SPDYE10: variants seen among roughly 807,000 people sequenced by gnomAD.
SPDYE10 encodes the protein speedy protein E10.
the SPDYE10 span, among the ~76,000 whole-genome samples, chr7:73,135,861 C>T: frequency 7.6e-5 from 9 of 118,022 alleles, no homozygotes; most frequent in Non-Finnish European, 1.4e-4. Flanking sequence ...GAGCCACCAC[C>T]GCACCCGGTC....
the SPDYE10 span, among the ~76,000 whole-genome samples, chr7:73,137,643 GAGAA>G: frequency 2.3e-4 from 20 of 85,238 alleles, no homozygotes; most frequent in Non-Finnish European, 4.8e-4. Flanking sequence ...AGAAAGAAAG[GAGAA>G]AGAAAGAAAA....
At chr7:73,127,639 A>G in the SPDYE10 span, among the ~76,000 whole-genome samples, 1 of 45,852 alleles carries the variant, frequency 2.2e-5, no homozygotes, top group Non-Finnish European at 4.8e-5. Flanking sequence ...GAAGACAATT[A>G]AAAAAAAAAA....
chr7:73,139,744 T>TGC, the SPDYE10 span, among the ~76,000 whole-genome samples: 3 of 133,342 alleles, frequency 2.2e-5, no homozygotes, highest in East Asian at 7.5e-4. Flanking sequence ...GCAAGCTCCA[T>TGC]CTCCTGGGTT....
the SPDYE10 span, among the ~76,000 whole-genome samples, chr7:73,144,885 G>C: frequency 1.1e-5 from 1 of 90,014 alleles, no homozygotes; most frequent in Non-Finnish European, 2.0e-5. Context: ...GCATTGTGGT[G>C]TGCACCTGTA....
At chr7:73,113,834 G>C in the SPDYE10 span, among the ~76,000 whole-genome samples, 55 of 152,054 alleles carry the variant, frequency 3.6e-4, no homozygotes, top group African/African-American at 1.3e-3. Flanking sequence ...AGGAGATCGA[G>C]ACCATCCTGG....
chr7:73,139,564 GTCCA>G, the SPDYE10 span, among the ~76,000 whole-genome samples: 1 of 145,966 alleles, frequency 6.9e-6, no homozygotes, highest in Non-Finnish European at 1.5e-5. Context: ...CTCATGATCT[GTCCA>G]CCTCAGCCTC....
the SPDYE10 span, among the ~76,000 whole-genome samples, chr7:73,128,063 A>C: frequency 1.3e-5 from 2 of 151,730 alleles, no homozygotes; most frequent in South Asian, 2.1e-4. Context: ...GAAACAAAGT[A>C]AATGTTCACC....
At chr7:73,113,865 A>T in the SPDYE10 span, among the ~76,000 whole-genome samples, 2 of 152,090 alleles carry the variant, frequency 1.3e-5, no homozygotes, top group East Asian at 3.9e-4. Flanking sequence ...ATCTCTGCTA[A>T]AAATACAAAA....
the SPDYE10 span, among the ~76,000 whole-genome samples, chr7:73,127,082 C>CTTT: frequency 7.5e-5 from 1 of 13,358 alleles, no homozygotes; most frequent in Non-Finnish European, 1.3e-4. Flanking sequence ...CCACGCCTGG[C>CTTT]TTTTTTTTTT....
At chr7:73,142,702 T>A in the SPDYE10 span, among the ~76,000 whole-genome samples, 22 of 136,082 alleles carry the variant, frequency 1.6e-4, no homozygotes, top group African/African-American at 6.1e-4. Context: ...TTTGGGAAGC[T>A]GAGGTGGGTG....
At chr7:73,136,260 G>GT in the SPDYE10 span, among the ~76,000 whole-genome samples, 10 of 3,392 alleles carry the variant, frequency 2.9e-3, no homozygotes, top group Middle Eastern at 0.02. Flanking sequence ...TTGTTGTATT[G>GT]GTTTTTTTTT....
the SPDYE10 span, among the ~76,000 whole-genome samples, chr7:73,128,002 C>T: frequency 6.7e-5 from 9 of 134,950 alleles, no homozygotes; most frequent in East Asian, 2.1e-4. Context: ...CTATAGAATA[C>T]ATTTACAGGA....
the SPDYE10 span, among the ~76,000 whole-genome samples, chr7:73,135,441 T>TTCATTCAC: frequency 7.0e-6 from 1 of 143,572 alleles, no homozygotes; most frequent in Non-Finnish European, 1.5e-5. Flanking sequence ...CATTCATTCA[T>TTCATTCAC]TCAACAGATA....
At chr7:73,152,446 C>T in the SPDYE10 span, among the ~76,000 whole-genome samples, 2 of 100,830 alleles carry the variant, frequency 2.0e-5, no homozygotes, top group African/African-American at 8.9e-5. Flanking sequence ...TGCAGTGGCG[C>T]GATCTCAGCT....
the SPDYE10 span, among the ~76,000 whole-genome samples, chr7:73,113,408 GCACCTGTGTTCCAACAA>G: frequency 1.1e-5 from 1 of 91,352 alleles, no homozygotes; most frequent in Non-Finnish European, 2.1e-5. Context: ...GTCGTGGCTG[GCACCTGTGTTCCAACAA>G]CTTGAGAGAC....
chr7:73,123,261 T>C, the SPDYE10 span, among the ~76,000 whole-genome samples: 2 of 152,126 alleles, frequency 1.3e-5, no homozygotes, highest in Non-Finnish European at 2.9e-5. Context: ...AGCAAATGCA[T>C]GAAGGCCCCT....
the SPDYE10 span, chr7:73,154,967 G>GGCGCCGC: frequency 2.7e-5 from 4 of 150,202 alleles, no homozygotes; most frequent in Non-Finnish European, 5.9e-5. Flanking sequence ...CCCCGCGCCG[G>GGCGCCGC]GCGCCGCGCG....
the SPDYE10 span, among the ~76,000 whole-genome samples, chr7:73,142,982 G>GGAAT: frequency 3.3e-4 from 13 of 39,206 alleles, no homozygotes; most frequent in African/African-American, 1.6e-3. Context: ...GAGGGAGGGA[G>GGAAT]GAAGGAAGGA....
the SPDYE10 span, among the ~76,000 whole-genome samples, chr7:73,123,492 G>A: frequency 1.3e-5 from 2 of 152,330 alleles, no homozygotes; most frequent in Non-Finnish European, 2.9e-5. Context: ...TTTAGATGGA[G>A]TTTTGCTCTT....
Sources: allele counts gnomAD v4.1 joint callset (sites outside exome capture counted in the v4.1 genomes callset), GRCh38; gene constraint gnomAD v4.1.1; transcripts MANE v1.5; gene names NCBI Gene and HGNC (gene_info 2026-07-23, HGNC 2026-07-21).